The following KAT6B variants were observed in gnomAD, a reference collection of about 807,000 sequenced individuals.
KAT6B encodes the protein lysine acetyltransferase 6B, also known as histone acetyltransferase KAT6B.
Under a neutral mutation model 187.5 loss-of-function variants are expected in KAT6B, and 10 were observed. The ratio of observed to expected loss-of-function variants is 0.05; its 90% CI spans 0.03 to 0.09. The LOEUF is 0.09. KAT6B is among the 10% of genes least tolerant of loss of function. The pLI, the probability that KAT6B is intolerant of heterozygous loss-of-function variation, is 1.00. For missense variants in KAT6B, 1,952 were observed against 2,558.9 expected (o/e 0.76, Z 5.12); for synonymous variants, 861 against 926.8 (o/e 0.93, Z 1.29).
chr10:74,884,447 C>T (rs984947614), intron 3 of KAT6B, among the ~76,000 whole-genome samples: 69 of 152,248 alleles, frequency 4.5e-4, no homozygotes, highest in African/African-American at 1.6e-3. Flanking sequence ...TTATAAAAGC[C>T]CTACTTTATC....
chr10:75,017,421 C>G (rs1045066139), intron 13 of KAT6B, among the ~76,000 whole-genome samples: 8 of 152,136 alleles, frequency 5.3e-5, no homozygotes, highest in Admixed American at 6.5e-5. Context: ...CGAGACCAGC[C>G]TGGGCAAAAT....
chr10:74,866,808 T>C (rs562480622), intron 3 of KAT6B, among the ~76,000 whole-genome samples: 7 of 152,320 alleles, frequency 4.6e-5, no homozygotes, highest in African/African-American at 1.7e-4. Flanking sequence ...TCTTCTTGAC[T>C]TAATGGGAAG....
chr10:75,027,320 G>A (rs1350310361), intron 17 of KAT6B, among the ~76,000 whole-genome samples: 2 of 152,142 alleles, frequency 1.3e-5, no homozygotes, highest in African/African-American at 2.4e-5. Flanking sequence ...TTGCAGGTAA[G>A]TTTATCTGTA....
chr10:74,960,889 G>A (rs1235639823), intron 4 of KAT6B, among the ~76,000 whole-genome samples: 2 of 152,184 alleles, frequency 1.3e-5, no homozygotes, highest in East Asian at 1.9e-4. Flanking sequence ...ATTGCTGCAC[G>A]TAATTTAAAA....
chr10:74,834,322 C>T (rs146705118), intron 1 of KAT6B, among the ~76,000 whole-genome samples: 3,542 of 151,938 alleles, frequency 0.023, 134 homozygotes, highest in African/African-American at 0.08. Flanking sequence ...CTCAGCCTTC[C>T]GAGTAGCTGG....
chr10:75,009,738 G>T (rs1337675564), intron 13 of KAT6B, among the ~76,000 whole-genome samples: 1 of 152,156 alleles, frequency 6.6e-6, no homozygotes, highest in Admixed American at 6.5e-5. Flanking sequence ...GGGCGCAGTG[G>T]CTCATGCCTG....
chr10:74,998,450 G>A (rs1843604455), intron 13 of KAT6B, among the ~76,000 whole-genome samples: 1 of 151,852 alleles, frequency 6.6e-6, no homozygotes, highest in Non-Finnish European at 1.5e-5. Flanking sequence ...TAAAAAAAAA[G>A]GTGTAATTAA....
intron 3 of KAT6B, among the ~76,000 whole-genome samples, chr10:74,856,203 A>G (rs1231337062): frequency 1.3e-5 from 2 of 152,132 alleles, no homozygotes; most frequent in Admixed American, 1.3e-4. Context: ...CTCTTGCCTC[A>G]GCCTCCCGAG....
intron 3 of KAT6B, among the ~76,000 whole-genome samples, chr10:74,859,762 C>A (rs1843048815): frequency 6.6e-6 from 1 of 152,314 alleles, no homozygotes; most frequent in African/African-American, 2.4e-5. Flanking sequence ...CATTTTCCAC[C>A]AGCTACAGAA....
chr10:74,981,290 G>A (rs1842488121), intron 10 of KAT6B, among the ~76,000 whole-genome samples: 1 of 143,416 alleles, frequency 7.0e-6, no homozygotes, highest in South Asian at 2.3e-4. Flanking sequence ...CTATTGGCTG[G>A]CTTTCTTTCT....
intron 3 of KAT6B, among the ~76,000 whole-genome samples, chr10:74,892,106 G>A (rs1027159558): frequency 5.3e-5 from 8 of 152,154 alleles, no homozygotes; most frequent in Admixed American, 4.6e-4. Flanking sequence ...GGTGGCTCAC[G>A]CCTGTAATCC....
At chr10:74,830,791 T>A (rs1313099733) in intron 1 of KAT6B, among the ~76,000 whole-genome samples, 10 of 88,348 alleles carry the variant, frequency 1.1e-4, no homozygotes, top group East Asian at 9.7e-4. Context: ...TTTTTTTTTT[T>A]TTTTTTTTTT....
rs1233676750 is a variant in KAT6B at position 74,853,109 on chromosome 10, C to CT, written c.621+9652dup. ...TATCTTTGTATGTTATTTCTTTCAT[C>CT]TTTTTTTTTTTTTTTTTTTTTCTGA... is the stretch of plus-strand genomic sequence containing the variant. On this transcript the variant is annotated intron_variant, in intron 3 of 17. Transcript: ENST00000287239. Among the ~76,000 whole-genome samples, 386 of 113,734 alleles carry CT rather than the reference C, an allele frequency of 3.4e-3. 4 individuals are homozygous for CT. The highest frequency in any genetic ancestry group is 4.8e-3 in the East Asian group (18 of 3,778). 74.6% of individuals were successfully genotyped at this position (113,734 alleles called of 152,430 possible).
rs150763328 is a variant in KAT6B at position 74,832,079 on chromosome 10, A to G, written c.-329+5294A>G. ...AACTGGATAAAATACCTCTCTGTAT[A>G]TAGCCAGTGGACCTTAAGTGGTCCA... On this transcript the variant is annotated intron_variant, in intron 1 of 17. Coordinates refer to ENST00000287239, the MANE Select transcript of KAT6B (RefSeq NM_012330.4). Among the ~76,000 whole-genome samples the G allele has an allele frequency of 9.2e-5, 14 of 152,370 alleles. No homozygotes were observed. In the East Asian group the frequency reaches 2.5e-3, roughly 27 times the overall value.
chr10:74,851,333 A>AT (rs1212836217), intron 3 of KAT6B, among the ~76,000 whole-genome samples: 2,893 of 128,296 alleles, frequency 0.023, 118 homozygotes, highest in African/African-American at 0.076. Flanking sequence ...GATAAGAATG[A>AT]TTTTTTTTTT....
At chr10:74,964,538 CTG>C (rs930599025) in intron 4 of KAT6B, among the ~76,000 whole-genome samples, 38 of 152,136 alleles carry the variant, frequency 2.5e-4, no homozygotes, top group African/African-American at 8.2e-4. Flanking sequence ...TGTCGTGGCC[CTG>C]TGTTTGTTAC....
At chr10:74,892,291 C>T (rs188662082) in intron 3 of KAT6B, among the ~76,000 whole-genome samples, 4 of 152,250 alleles carry the variant, frequency 2.6e-5, no homozygotes, top group Admixed American at 2.6e-4. Context: ...TCCTTTGAGC[C>T]TAGAAGTTTG....
intron 3 of KAT6B, among the ~76,000 whole-genome samples, chr10:74,918,232 G>A (rs531233711): frequency 2.0e-4 from 30 of 152,154 alleles, no homozygotes; most frequent in Non-Finnish European, 2.1e-4. Flanking sequence ...CCTATTATAT[G>A]GCAGGCACTG....
At chr10:75,002,802 A>G (rs773683599) in intron 13 of KAT6B, among the ~76,000 whole-genome samples, 4 of 152,360 alleles carry the variant, frequency 2.6e-5, no homozygotes, top group East Asian at 1.9e-4. Context: ...TATGTGGTGC[A>G]TGACTGTATT....
Sources: allele counts gnomAD v4.1 joint callset (sites outside exome capture counted in the v4.1 genomes callset), GRCh38; gene constraint gnomAD v4.1.1; transcripts MANE v1.5; gene names NCBI Gene and HGNC (gene_info 2026-07-23, HGNC 2026-07-21).